The following EPHA3 variants were observed in gnomAD, a reference collection of about 807,000 sequenced individuals.
EPHA3 encodes EPH receptor A3, also known as ephrin type-A receptor 3.
In EPHA3, 42 loss-of-function variants were observed where a neutral mutation model predicts 107.1. That is an observed-to-expected ratio of 0.39 (90% CI 0.31 to 0.51). EPHA3 has a LOEUF of 0.51. EPHA3 is among the 20% of genes least tolerant of loss of function. The pLI is 0.78. For missense variants in EPHA3, 1,183 were observed against 1,211.2 expected (o/e 0.98, Z 0.35); for synonymous variants, 461 against 424.8 (o/e 1.09, Z -1.05).
chr3:89,116,771 C>A (rs1357251715), intron 1 of EPHA3, among the ~76,000 whole-genome samples: 1 of 150,320 alleles, frequency 6.7e-6, no homozygotes, highest in Non-Finnish European at 1.5e-5. Flanking sequence ...AAGAGTTAGC[C>A]ATTCTTTCAA....
intron 13 of EPHA3, among the ~76,000 whole-genome samples, chr3:89,435,581 T>C (rs1576376600): frequency 6.9e-6 from 1 of 144,582 alleles, no homozygotes; most frequent in South Asian, 2.1e-4. Flanking sequence ...TATAATTTTA[T>C]ATATAAATAC....
At chr3:89,272,501 T>G (rs940931321) in intron 3 of EPHA3, among the ~76,000 whole-genome samples, 2 of 151,978 alleles carry the variant, frequency 1.3e-5, no homozygotes, top group African/African-American at 4.8e-5. Context: ...TCAAGAAATT[T>G]TAATCCATTA....
At chr3:89,392,439 A>G (rs1576354554) in intron 5 of EPHA3, among the ~76,000 whole-genome samples, 2 of 150,428 alleles carry the variant, frequency 1.3e-5, no homozygotes, top group Non-Finnish European at 3.0e-5. Context: ...ACTCCATCGA[A>G]AAAAAAAAAA....
At chr3:89,450,770 G>A (rs1251286695) in intron 15 of EPHA3, among the ~76,000 whole-genome samples, 1 of 152,046 alleles carries the variant, frequency 6.6e-6, no homozygotes. Flanking sequence ...AGCCTGGTGT[G>A]GTGGCAGGCA....
chr3:89,332,574 C>T (rs531411012), intron 3 of EPHA3, among the ~76,000 whole-genome samples: 2 of 152,316 alleles, frequency 1.3e-5, no homozygotes, highest in Admixed American at 6.5e-5. Context: ...CTGGGCCTTG[C>T]CTCAACGCAT....
At chr3:89,422,227 AC>A (rs1453168589) in intron 11 of EPHA3, among the ~76,000 whole-genome samples, 18 of 150,012 alleles carry the variant, frequency 1.2e-4, no homozygotes, top group Admixed American at 9.4e-4. Context: ...ACACACACAC[AC>A]ACACAGAGCG....
rs565759275 is a variant in EPHA3 at position 89,424,839 on chromosome 3, T to C, written c.2075-4267T>C. 6.1e-4 allele frequency among the ~76,000 whole-genome samples: 93 copies of C among 151,596 alleles called. 1 individual carries two copies. Among genetic ancestry groups the C allele is most frequent in the African/African-American group, 2.2e-3 (92 of 41,492 alleles). On this transcript the variant is annotated intron_variant, in intron 11 of 16. Coordinates refer to ENST00000336596, the MANE Select transcript of EPHA3 (RefSeq NM_005233.6). The stretch of plus-strand genomic sequence containing the variant: ...GTAAATTAGTTGTTATCTTTGAAGA[T>C]GTTAAATTTCGTTTCAAGTTAAGCA...
At chr3:89,263,119 C>T (rs1323416223) in intron 3 of EPHA3, among the ~76,000 whole-genome samples, 1 of 151,848 alleles carries the variant, frequency 6.6e-6, no homozygotes, top group Non-Finnish European at 1.5e-5. Context: ...CTAATGCTAC[C>T]TCTCCCCTAG....
At chr3:89,215,785 G>T (rs1048910601) in intron 3 of EPHA3, among the ~76,000 whole-genome samples, 2 of 151,686 alleles carry the variant, frequency 1.3e-5, no homozygotes, top group Non-Finnish European at 3.0e-5. Flanking sequence ...GTTAACTTTA[G>T]TAATATAATC....
At chr3:89,287,982 A>T (rs1474067591) in intron 3 of EPHA3, among the ~76,000 whole-genome samples, 1 of 152,114 alleles carries the variant, frequency 6.6e-6, no homozygotes, top group African/African-American at 2.4e-5. Context: ...TGTTTCAGCT[A>T]CATAGGGTTA....
At chr3:89,202,781 C>T (rs73846002) in intron 2 of EPHA3, among the ~76,000 whole-genome samples, 1,933 of 152,040 alleles carry the variant, frequency 0.013, 43 homozygotes, top group African/African-American at 0.043. Context: ...CTTCTTCATA[C>T]CAGTATAAAT....
chr3:89,426,863 T>A (rs1250194688), intron 11 of EPHA3, among the ~76,000 whole-genome samples: 1 of 151,922 alleles, frequency 6.6e-6, no homozygotes, highest in Non-Finnish European at 1.5e-5. Flanking sequence ...AGTACACATA[T>A]GCAGGATTTT....
intron 5 of EPHA3, among the ~76,000 whole-genome samples, chr3:89,348,581 G>T (rs1186864433): frequency 4.9e-5 from 7 of 141,414 alleles, no homozygotes; most frequent in African/African-American, 1.1e-4. Flanking sequence ...TGGATTCATT[G>T]ATTTTTTGAA....
intron 2 of EPHA3, among the ~76,000 whole-genome samples, chr3:89,197,869 G>T (rs561195426): frequency 1.3e-5 from 2 of 152,020 alleles, no homozygotes; most frequent in African/African-American, 4.8e-5. Context: ...CCAGCTACTG[G>T]GGAGGCTGAG....
At chr3:89,252,537 C>T (rs1372113904) in intron 3 of EPHA3, among the ~76,000 whole-genome samples, 1 of 151,998 alleles carries the variant, frequency 6.6e-6, no homozygotes, top group African/African-American at 2.4e-5. Flanking sequence ...CAAAACTGGC[C>T]TGGGCAACAC....
chr3:89,180,638 G>T (rs1041997224), intron 2 of EPHA3, among the ~76,000 whole-genome samples: 2 of 151,896 alleles, frequency 1.3e-5, no homozygotes, highest in Non-Finnish European at 2.9e-5. Context: ...GAAGGTTAAG[G>T]TTTGCTTGCC....
At chr3:89,432,018 G>C (rs1464324994) in intron 13 of EPHA3, among the ~76,000 whole-genome samples, 1 of 152,096 alleles carries the variant, frequency 6.6e-6, no homozygotes, top group Non-Finnish European at 1.5e-5. Context: ...ATTTTTACAT[G>C]TAGTAGGTTG....
At chr3:89,455,088 T>A (rs1237772423) in intron 15 of EPHA3, among the ~76,000 whole-genome samples, 2 of 152,258 alleles carry the variant, frequency 1.3e-5, no homozygotes, top group Non-Finnish European at 2.9e-5. Flanking sequence ...ATTCGAAAAC[T>A]ATTTTTATAT....
chr3:89,125,556 T>A (rs1704074650), intron 1 of EPHA3, among the ~76,000 whole-genome samples: 1 of 151,676 alleles, frequency 6.6e-6, no homozygotes, highest in South Asian at 2.1e-4. Flanking sequence ...GGGAAATAAT[T>A]CAATTATGGA....
Sources: allele counts gnomAD v4.1 joint callset (sites outside exome capture counted in the v4.1 genomes callset), GRCh38; gene constraint gnomAD v4.1.1; transcripts MANE v1.5; gene names NCBI Gene and HGNC (gene_info 2026-07-23, HGNC 2026-07-21).